PHF21B: variants seen among roughly 807,000 people sequenced by gnomAD.
PHF21B encodes the protein PHD finger protein 4.
PHF21B carries 22 observed loss-of-function variants against 62.2 expected under a neutral mutation model. The ratio of observed to expected loss-of-function variants is 0.35; its 90% CI spans 0.25 to 0.51. The LOEUF (loss-of-function observed/expected upper bound fraction) is 0.51. Ranked by LOEUF, PHF21B falls within the 20% of genes least tolerant of loss-of-function variation. PHF21B has a pLI of 0.97. For synonymous variants in PHF21B, 341 were observed against 314.7 expected, an observed-to-expected ratio of 1.08 and a Z score of -0.88; for missense variants, 701 against 707.9, an observed-to-expected ratio of 0.99 and a Z score of 0.11.
rs373462397 is a variant in PHF21B at position 44,997,702 on chromosome 22, T to C, written c.120+10843A>G. Among the ~76,000 whole-genome samples the C allele has an allele frequency of 3.9e-5, 6 of 152,336 alleles. No individual in the cohort carries two copies. In the South Asian group the frequency reaches 8.3e-4, roughly 21 times the overall value. On this transcript the variant is annotated intron_variant, in intron 2 of 12. Coordinates refer to ENST00000313237, the MANE Select transcript of PHF21B (RefSeq NM_138415.5). Reference sequence around the variant, plus strand: ...TGTGCAGATTGGCTTTCCGCCTGAATGACATCAAAGAGAAACACTTCTCCC... The same window carrying C: ...TGTGCAGATTGGCTTTCCGCCTGAACGACATCAAAGAGAAACACTTCTCCC...
At chr22:44,890,034 C>T (rs2070935792) in intron 8 of PHF21B, among the ~76,000 whole-genome samples, 1 of 150,814 alleles carries the variant, frequency 6.6e-6, no homozygotes, top group African/African-American at 2.4e-5. Context: ...CCTGGGCTCA[C>T]CCCAGGGCAT....
intron 2 of PHF21B, among the ~76,000 whole-genome samples, chr22:44,948,033 T>TGTC (rs2072113911): frequency 2.0e-5 from 1 of 50,322 alleles, no homozygotes; most frequent in Admixed American, 1.6e-4. Context: ...GCTGTCCCGT[T>TGTC]CGGACGTGAT....
chr22:44,898,351 C>T (rs2071096045), intron 5 of PHF21B, among the ~76,000 whole-genome samples: 1 of 152,126 alleles, frequency 6.6e-6, no homozygotes, highest in East Asian at 1.9e-4. Flanking sequence ...CTCATCACAT[C>T]GCAGCAAGGG....
At chr22:44,968,809 C>T (rs1229797815) in intron 2 of PHF21B, among the ~76,000 whole-genome samples, 2 of 152,182 alleles carry the variant, frequency 1.3e-5, no homozygotes, top group South Asian at 2.1e-4. Context: ...CCCATCACTA[C>T]TCAAAGTGTC....
chr22:44,924,924 A>G (rs749375806), intron 2 of PHF21B, among the ~76,000 whole-genome samples: 48 of 152,220 alleles, frequency 3.2e-4, no homozygotes, highest in Non-Finnish European at 5.9e-5. Context: ...CAACAAGTAC[A>G]CGGATGAGCA....
At chr22:44,916,928 C>T (rs1439741213) in intron 3 of PHF21B, among the ~76,000 whole-genome samples, 1 of 152,154 alleles carries the variant, frequency 6.6e-6, no homozygotes, top group Non-Finnish European at 1.5e-5. Context: ...AGCGCTTGGG[C>T]GCGAGGGGAC....
chr22:44,965,583 T>G (rs539907622), intron 2 of PHF21B, among the ~76,000 whole-genome samples: 332 of 152,272 alleles, frequency 2.2e-3, no homozygotes, highest in Non-Finnish European at 3.8e-3. Flanking sequence ...CTCTCCTCCC[T>G]GCCTCCTTTC....
intron 2 of PHF21B, among the ~76,000 whole-genome samples, chr22:44,965,614 G>A (rs1454698695): frequency 6.6e-6 from 1 of 152,132 alleles, no homozygotes; most frequent in African/African-American, 2.4e-5. Flanking sequence ...GAGCTGAGAC[G>A]ATTCCCCCGG....
At chr22:44,930,212 G>A (rs538367632) in intron 2 of PHF21B, among the ~76,000 whole-genome samples, 1 of 152,342 alleles carries the variant, frequency 6.6e-6, no homozygotes, top group African/African-American at 2.4e-5. Context: ...CACAGCCAGG[G>A]CTGGGTCTAT....
chr22:44,919,869 C>G (rs1442628797), intron 3 of PHF21B, among the ~76,000 whole-genome samples: 1 of 152,226 alleles, frequency 6.6e-6, no homozygotes, highest in Non-Finnish European at 1.5e-5. Context: ...AGGTGAGAAG[C>G]CTCGGCCCAG....
In PHF21B at chr22:44,908,598, C is replaced by T. The variant is rs539767935; in HGVS notation, c.831+5224G>A. On this transcript the variant is annotated intron_variant, in intron 5 of 12. Coordinates refer to ENST00000313237, the MANE Select transcript of PHF21B (RefSeq NM_138415.5). ...GCAAGTGCCACTTTCTGGGGAGCTGCAGCGACAGCGGAGTTGCCCAAACAC... is the reference window on the plus strand; with the variant it reads ...GCAAGTGCCACTTTCTGGGGAGCTGTAGCGACAGCGGAGTTGCCCAAACAC... 1.3e-4 allele frequency among the ~76,000 whole-genome samples: 20 copies of T among 152,318 alleles called. No individual in the cohort carries two copies. In the South Asian group the frequency reaches 1.4e-3, roughly 11 times the overall value.
intron 2 of PHF21B, among the ~76,000 whole-genome samples, chr22:44,943,654 C>G (rs1276310365): frequency 6.6e-6 from 1 of 152,150 alleles, no homozygotes; most frequent in Non-Finnish European, 1.5e-5. Context: ...GTAAAGCAAA[C>G]AGGTTTAGAT....
intron 2 of PHF21B, among the ~76,000 whole-genome samples, chr22:44,957,853 C>G (rs1026006425): frequency 1.3e-5 from 2 of 151,956 alleles, no homozygotes; most frequent in African/African-American, 4.8e-5. Flanking sequence ...CCCGTTCAGG[C>G]CTTGTGTGTC....
chr22:44,949,301 CAAAAAAAAGAAAA>C (rs1270165035), intron 2 of PHF21B, among the ~76,000 whole-genome samples: 6 of 42,472 alleles, frequency 1.4e-4, no homozygotes, highest in Non-Finnish European at 3.1e-4. Context: ...AACTCCATCT[CAAAAAAAAGAAAA>C]AAAAAAAAAA....
intron 2 of PHF21B, among the ~76,000 whole-genome samples, chr22:44,950,831 T>G (rs1304150807): frequency 6.6e-6 from 1 of 152,192 alleles, no homozygotes; most frequent in African/African-American, 2.4e-5. Context: ...CTTTCCCCCT[T>G]TTCAAAGAAG....
At chr22:44,996,956 T>C (rs1217182366) in intron 2 of PHF21B, among the ~76,000 whole-genome samples, 1 of 151,976 alleles carries the variant, frequency 6.6e-6, no homozygotes, top group African/African-American at 2.4e-5. Flanking sequence ...CGCTTCCCCG[T>C]TCTACTTTTC....
rs567625028 is a variant in PHF21B at position 44,958,562 on chromosome 22, G to A, written c.121-38072C>T. 6.0e-5 allele frequency among the ~76,000 whole-genome samples: 9 copies of A among 149,470 alleles called. No individual in the cohort carries two copies. The East Asian group carries it at 1.8e-3, about 30-fold the overall frequency. ...ATTAGCGTCCTATTCTACTCTTTGA[G>A]AGATCTCCTCAGCTTCATCTTCCAG... On this transcript the variant is annotated intron_variant, in intron 2 of 12. Transcript: ENST00000313237.
At chr22:44,986,664 A>C (rs915040340) in intron 2 of PHF21B, among the ~76,000 whole-genome samples, 1 of 152,134 alleles carries the variant, frequency 6.6e-6, no homozygotes, top group Non-Finnish European at 1.5e-5. Flanking sequence ...AGGCCAGATA[A>C]TAAAAGCCCC....
At chr22:44,929,729 G>A (rs946955758) in intron 2 of PHF21B, among the ~76,000 whole-genome samples, 1 of 152,224 alleles carries the variant, frequency 6.6e-6, no homozygotes, top group African/African-American at 2.4e-5. Context: ...GCAGCCGGTG[G>A]CACTGGCACT....
Sources: gnomAD v4.1 joint callset for allele counts (sites outside exome capture counted in the v4.1 genomes callset) on GRCh38, gnomAD v4.1.1 for gene constraint, MANE v1.5 for transcripts, NCBI Gene and HGNC (gene_info 2026-07-23, HGNC 2026-07-21) for gene names.